IL3RA: variants seen among roughly 807,000 people sequenced by gnomAD.
IL3RA encodes interleukin-3 receptor subunit alpha.
In IL3RA, 73 loss-of-function variants were observed where a neutral mutation model predicts 52.3. The ratio of observed to expected loss-of-function variants is 1.40; its 90% confidence interval spans 1.16 to 1.70. The LOEUF is 1.70. IL3RA is among the 40% of genes most tolerant of loss of function. The pLI is 0.00. For synonymous variants in IL3RA, 260 were observed against 194.0 expected, an observed-to-expected ratio of 1.34 and a Z score of -2.83; for missense variants, 664 against 504.4, an observed-to-expected ratio of 1.32 and a Z score of -3.03.
In IL3RA at chrX:1,349,476, A is replaced by T. The variant is rs187377520; in HGVS notation, c.298+931A>T. On this transcript the variant is annotated intron_variant, in intron 4 of 11. Coordinates refer to ENST00000331035, the MANE Select transcript of IL3RA (RefSeq NM_002183.4). The stretch of plus-strand genomic sequence containing the variant: ...AGTACAGGGGTGAGCCACCGCGCCC[A>T]GCCTTAAATACTTTTTGTAGAGATG... Among the ~76,000 whole-genome samples, 78 of 151,002 alleles carry T rather than the reference A, an allele frequency of 5.2e-4. 1 individual carries two copies. Among genetic ancestry groups the T allele is most frequent in the African/African-American group, 1.9e-3 (78 of 41,220 alleles).
At chrX:1,379,507 C>T (rs775490315) in intron 10 of IL3RA, among the ~76,000 whole-genome samples, 2 of 152,174 alleles carry the variant, frequency 1.3e-5, no homozygotes, top group African/African-American at 2.4e-5. Context: ...CTGCTAGCTG[C>T]CCCCTGCCAG....
chrX:1,345,095 G>A (rs1160580359), intron 2 of IL3RA, among the ~76,000 whole-genome samples: 6 of 151,484 alleles, frequency 4.0e-5, no homozygotes, highest in Admixed American at 2.6e-4. Context: ...CTTGAACCAG[G>A]AGGCGGAGCT....
chrX:1,352,189 G>GC lies in IL3RA; in HGVS notation c.393dup (p.Ala132ArgfsTer38). 6.2e-7 allele frequency: 1 copy of GC among 1,613,750 alleles called. No homozygotes were observed. Among genetic ancestry groups the GC allele is most frequent in the Non-Finnish European group, 8.5e-7 (1 of 1,179,824 alleles). On this transcript the variant is annotated frameshift_variant, in exon 5 of 12. Coordinates refer to ENST00000331035, the MANE Select transcript of IL3RA (RefSeq NM_002183.4). LOFTEE classifies it high-confidence loss of function. Reference sequence around the variant, plus strand: ...CTGCAGCTGGGCGGTAGGCCCGGGGGCCCCCGCGGACGTCCAGTACGACCT... The same window carrying GC: ...CTGCAGCTGGGCGGTAGGCCCGGGGGCCCCCCGCGGACGTCCAGTACGACCT...
At chrX:1,337,077 C>T (rs1451790112) in intron 1 of IL3RA, among the ~76,000 whole-genome samples, 151 bp downstream of exon 1, 5 of 152,146 alleles carry the variant, frequency 3.3e-5, no homozygotes, top group African/African-American at 9.6e-5. Context: ...GGGCACCACA[C>T]CACACATAGA....
chrX:1,348,500 G>A lies in IL3RA; in HGVS notation c.253G>A (p.Val85Met), dbSNP rs766828932. 2.5e-6 allele frequency: 4 copies of A among 1,613,768 alleles called. No homozygotes were observed. The highest frequency in any genetic ancestry group is 4.5e-5 in the East Asian group (2 of 44,894). The change falls in exon 4 of 12, where the codon GTG becomes ATG. Residue 85 changes from valine (V) to methionine (M), a missense_variant. Coordinates refer to ENST00000331035, the MANE Select transcript of IL3RA (RefSeq NM_002183.4). ...LCEVTNYTVR[V>M]ANPPFSTWIL... ...TGAAGTGACCAACTACACCGTCCGA[G>A]TGGCCAACCCACCATTCTCCACGTG... is the stretch of plus-strand genomic sequence containing the variant.
rs765879467 is a variant in IL3RA at position 1,365,256 on chromosome X, AGTGGGCTGTGCGGGGTGC to A, written c.874+6_874+23del. ...TGGAGCACCCCCCAGCGCTTCGGTGAGTGGGCTGTGCGGGGTGCGCGGGGTGAGCGGGGTGAGCGGGGT... is the reference window on the plus strand; with the variant it reads ...TGGAGCACCCCCCAGCGCTTCGGTGAGCGGGGTGAGCGGGGTGAGCGGGGT... On this transcript the variant is annotated splice_donor_5th_base_variant and intron_variant, in intron 9 of 11. Coordinates refer to ENST00000331035, the MANE Select transcript of IL3RA (RefSeq NM_002183.4). 4.6e-6 allele frequency: 7 copies of A among 1,509,928 alleles called. No homozygotes were observed. Among genetic ancestry groups the A allele is most frequent in the Middle Eastern group, 1.8e-4 (1 of 5,468 alleles). The allele number at this position is 1,509,928 out of a possible 1,614,324, so 93.5% of individuals were successfully genotyped here. A position where few individuals can be genotyped will look rare whatever the true frequency, so the allele number is the denominator to read the frequency against.
intron 8 of IL3RA, among the ~76,000 whole-genome samples, chrX:1,359,997 C>G (rs1350159357): frequency 3.4e-5 from 5 of 148,828 alleles, no homozygotes; most frequent in Non-Finnish European, 6.0e-5. Flanking sequence ...CCATCTTTCT[C>G]TCTCTCCCCC....
rs1184939174 is a variant in IL3RA, at chrX:1,347,089, A to C, written c.184-1342A>C. Among the ~76,000 whole-genome samples the C allele has an allele frequency of 2.0e-5, 3 of 151,398 alleles. No individual in the cohort carries two copies. The East Asian group carries it at 5.8e-4, about 29-fold the overall frequency. ...TTGAAAAAGAAGGTGAATGAAGGAG[A>C]ACCTGCCTTACCTATATCAAAAGGC... is the stretch of plus-strand genomic sequence containing the variant. On this transcript the variant is annotated intron_variant, in intron 3 of 11. Coordinates refer to ENST00000331035, the MANE Select transcript of IL3RA (RefSeq NM_002183.4).
At chrX:1,338,665 C>T (rs1303276007) in intron 1 of IL3RA, among the ~76,000 whole-genome samples, 1 of 152,130 alleles carries the variant, frequency 6.6e-6, no homozygotes, top group Non-Finnish European at 1.5e-5. Context: ...CCATTTATTC[C>T]CTATGTCCAG....
chrX:1,348,759 C>T (rs1364938331), intron 4 of IL3RA, among the ~76,000 whole-genome samples: 5 of 137,820 alleles, frequency 3.6e-5, no homozygotes, highest in Admixed American at 7.4e-5. Context: ...TCTTTCCTCT[C>T]TTTCTTTTCT....
At chrX:1,378,981 T>C (rs1289507583) in intron 10 of IL3RA, among the ~76,000 whole-genome samples, 1 of 151,686 alleles carries the variant, frequency 6.6e-6, no homozygotes, top group Non-Finnish European at 1.5e-5. Flanking sequence ...TAGCTGGGAT[T>C]ACAGGCACCC....
At chrX:1,345,673 G>T in intron 3 of IL3RA, among the ~76,000 whole-genome samples, 1 of 151,674 alleles carries the variant, frequency 6.6e-6, no homozygotes, top group East Asian at 2.0e-4. Flanking sequence ...TGTATTTTTA[G>T]TAGAGATGGG....
At chrX:1,373,782 C>T (rs1403453059) in intron 9 of IL3RA, among the ~76,000 whole-genome samples, 238 of 37,704 alleles carry the variant, frequency 6.3e-3, no homozygotes, top group Middle Eastern at 0.013. Context: ...GACTAAGACA[C>T]CTCATAAGAA....
intron 1 of IL3RA, among the ~76,000 whole-genome samples, chrX:1,340,265 T>G (rs2085442748): frequency 6.6e-6 from 1 of 151,864 alleles, no homozygotes; most frequent in Non-Finnish European, 1.5e-5. Context: ...ATAGGCACAC[T>G]CCACCACGCC....
rs1176925761 is a variant in IL3RA at position 1,345,447 on chromosome X, C to T, written c.183+13C>T. On this transcript the variant is annotated intron_variant, in intron 3 of 11. Coordinates refer to ENST00000331035, the MANE Select transcript of IL3RA (RefSeq NM_002183.4). ...CTATTCTATGCCGGTAAATCATACT[C>T]TCTATTGTTTTTTTATTTTTATTTT... 6.9e-7 allele frequency: 1 copy of T among 1,442,806 alleles called. No individual in the cohort carries two copies. The highest frequency in any genetic ancestry group is 9.4e-7 in the Non-Finnish European group (1 of 1,060,234). The allele number at this position is 1,442,806 out of a possible 1,614,324, so 89.4% of individuals were successfully genotyped here. A position where few individuals can be genotyped will look rare whatever the true frequency, so the allele number is the denominator to read the frequency against.
chrX:1,350,905 GCA>G (rs201595510), intron 4 of IL3RA, among the ~76,000 whole-genome samples: 3,183 of 147,554 alleles, frequency 0.022, 116 homozygotes, highest in African/African-American at 0.075. Context: ...ACACACAGAT[GCA>G]CACACACGCA....
chrX:1,348,644 CTCTTTCTTTCTTTCTTTCTT>C lies in IL3RA; in HGVS notation c.298+129_298+148del, dbSNP rs762100895. Reference sequence around the variant, plus strand: ...GCTGTGTCTTTTTTCTTTTCTTTTTCTCTTTCTTTCTTTCTTTCTTTCTTTCTTTCTTTCTTTCTTTCTTT... The same window carrying C: ...GCTGTGTCTTTTTTCTTTTCTTTTTCTCTTTCTTTCTTTCTTTCTTTCTTT... On this transcript the variant is annotated intron_variant, in intron 4 of 11. Coordinates refer to ENST00000331035, the MANE Select transcript of IL3RA (RefSeq NM_002183.4). 2.3e-4 allele frequency: 113 copies of C among 496,892 alleles called. 1 individual carries two copies. The highest frequency in any genetic ancestry group is 1.1e-3 in the Admixed American group (32 of 27,846). The allele number at this position is 496,892 out of a possible 1,614,324, so 30.8% of individuals were successfully genotyped here.
intron 2 of IL3RA, 65 bp from the exon 3 acceptor site, chrX:1,345,251 C>A: frequency 4.0e-6 from 4 of 995,818 alleles, no homozygotes; most frequent in Non-Finnish European, 6.1e-6. Flanking sequence ...AAAAACCATA[C>A]CCCTTACAAT....
chrX:1,359,791 A>C (rs1362483076), intron 8 of IL3RA, among the ~76,000 whole-genome samples: 43 of 67,826 alleles, frequency 6.3e-4, no homozygotes, highest in African/African-American at 1.3e-3. Flanking sequence ...TCCCTCTTTT[A>C]TTCTCCCTCC....
Sources: allele counts gnomAD v4.1 joint callset (sites outside exome capture counted in the v4.1 genomes callset), GRCh38; gene constraint gnomAD v4.1.1; transcripts MANE v1.5; gene names NCBI Gene and HGNC (gene_info 2026-07-23, HGNC 2026-07-21).